ALX4: variants seen among roughly 807,000 people sequenced by gnomAD.
ALX4 encodes ALX homeobox 4, also known as homeobox protein aristaless-like 4.
ALX4 carries 22 observed loss-of-function variants against 40.6 expected under a neutral mutation model. The ratio of observed to expected loss-of-function variants is 0.54; its 90% CI spans 0.39 to 0.77. The LOEUF is 0.77. Ranked by LOEUF, ALX4 falls within the 30% of genes least tolerant of loss-of-function variation. The pLI is 0.00. For synonymous variants in ALX4, 266 were observed against 240.5 expected, an observed-to-expected ratio of 1.11 and a Z score of -0.98; for missense variants, 556 against 564.8, an observed-to-expected ratio of 0.98 and a Z score of 0.16.
intron 1 of ALX4, among the ~76,000 whole-genome samples, chr11:44,301,796 A>G (rs1217552328): frequency 6.6e-6 from 1 of 152,160 alleles, no homozygotes; most frequent in Non-Finnish European, 1.5e-5. Flanking sequence ...CTTGGGCCTC[A>G]GTTTGCTCAT....
chr11:44,301,081 C>T (rs1655033908), intron 1 of ALX4, among the ~76,000 whole-genome samples: 1 of 152,258 alleles, frequency 6.6e-6, no homozygotes, highest in Non-Finnish European at 1.5e-5. Flanking sequence ...GGGCTGCATC[C>T]AGAGCTTCCC....
intron 1 of ALX4, among the ~76,000 whole-genome samples, chr11:44,300,931 GGC>G (rs2119887339): frequency 6.6e-6 from 1 of 152,340 alleles, no homozygotes; most frequent in Admixed American, 6.5e-5. Context: ...AAACCCTGGT[GGC>G]GCCTGCACGC....
intron 1 of ALX4, among the ~76,000 whole-genome samples, chr11:44,299,318 G>A (rs890816588): frequency 2.6e-5 from 4 of 151,304 alleles, no homozygotes; most frequent in South Asian, 2.1e-4. Flanking sequence ...CTGCATCCCC[G>A]GTTGTGAAGC....
At chr11:44,307,266 C>T (rs996391404) in intron 1 of ALX4, among the ~76,000 whole-genome samples, 7 of 152,226 alleles carry the variant, frequency 4.6e-5, no homozygotes, top group African/African-American at 7.2e-5. Context: ...GTTATCACCC[C>T]AGGATGCAGA....
At chr11:44,279,871 C>T (rs1956298849) in intron 1 of ALX4, among the ~76,000 whole-genome samples, 1 of 151,916 alleles carries the variant, frequency 6.6e-6, no homozygotes, top group Admixed American at 6.5e-5. Context: ...CAGCCTGAGG[C>T]TCAGCACAGG....
At chr11:44,295,543 G>A (rs1326098326) in intron 1 of ALX4, among the ~76,000 whole-genome samples, 1 of 152,268 alleles carries the variant, frequency 6.6e-6, no homozygotes, top group Non-Finnish European at 1.5e-5. Flanking sequence ...GCTCCCCTTG[G>A]ACTCTGCTGT....
At chr11:44,271,452 C>T (rs1956246915) in intron 2 of ALX4, among the ~76,000 whole-genome samples, 2 of 152,158 alleles carry the variant, frequency 1.3e-5, no homozygotes, top group South Asian at 2.1e-4. Flanking sequence ...CCAGCACTAC[C>T]GTTCTATAGT....
intron 1 of ALX4, among the ~76,000 whole-genome samples, chr11:44,289,952 G>T (rs58201422): frequency 0.066 from 10,065 of 152,186 alleles, 517 homozygotes; most frequent in African/African-American, 0.14. Context: ...CCAGCAATAC[G>T]TCCGCAGGGT....
At chr11:44,274,958 G>A (rs1300957732) in intron 2 of ALX4, among the ~76,000 whole-genome samples, 1 of 152,176 alleles carries the variant, frequency 6.6e-6, no homozygotes, top group African/African-American at 2.4e-5. Flanking sequence ...TTGTCTTCAT[G>A]TTTGTCCTGT....
intron 1 of ALX4, among the ~76,000 whole-genome samples, chr11:44,307,963 T>A (rs1351378442): frequency 6.6e-6 from 1 of 151,976 alleles, no homozygotes; most frequent in Middle Eastern, 3.2e-3. Flanking sequence ...TGTGCCTGCA[T>A]GTGGAGCTGT....
At chr11:44,274,000 C>G (rs1956263494) in intron 2 of ALX4, among the ~76,000 whole-genome samples, 1 of 151,992 alleles carries the variant, frequency 6.6e-6, no homozygotes, top group Non-Finnish European at 1.5e-5. Context: ...TGGGCCCAGG[C>G]ATGGTGGCTC....
intron 1 of ALX4, among the ~76,000 whole-genome samples, chr11:44,291,608 G>C (rs1017158135): frequency 6.6e-6 from 1 of 151,986 alleles, no homozygotes; most frequent in Non-Finnish European, 1.5e-5. Flanking sequence ...TTTCACTCTT[G>C]TTGTCCCGGC....
intron 1 of ALX4, among the ~76,000 whole-genome samples, chr11:44,296,181 A>G (rs1221050220): frequency 6.6e-6 from 1 of 152,230 alleles, no homozygotes; most frequent in Non-Finnish European, 1.5e-5. Context: ...TTGATTTTCA[A>G]CAAAGGTCCC....
At chr11:44,303,012 G>C (rs1216018642) in intron 1 of ALX4, among the ~76,000 whole-genome samples, 1 of 147,620 alleles carries the variant, frequency 6.8e-6, no homozygotes, top group Non-Finnish European at 1.5e-5. Flanking sequence ...GAGGAGTAGA[G>C]AATGCAAAGG....
chr11:44,294,913 G>A (rs1357597204), intron 1 of ALX4, among the ~76,000 whole-genome samples: 1 of 151,586 alleles, frequency 6.6e-6, no homozygotes, highest in East Asian at 1.9e-4. Flanking sequence ...GCAATGGTGT[G>A]GTCTCGGCTC....
Position 44,275,625 on chromosome 11 carries a change from G to T in ALX4, c.500C>A (p.Pro167His). The change falls in exon 2 of 4, where the codon CCC (proline) becomes CAC (histidine). Residue 167 changes from proline to histidine, a missense_variant. By Grantham distance (77) the Pro-to-His change is moderately conservative. Coordinates refer to ENST00000652299, the MANE Select transcript of ALX4 (RefSeq NM_021926.4). Reference sequence around the variant, plus strand: ...CATCCCCACAGTGTCAGAGTCAGGGGGTAACTCTGGCTCACCCAGGGAGCT... The same window carrying T: ...CATCCCCACAGTGTCAGAGTCAGGGTGTAACTCTGGCTCACCCAGGGAGCT... ...KESSLGEPEL[P>H]PDSDTVGMDS... 6.2e-7 allele frequency: 1 copy of T among 1,613,484 alleles called. No homozygotes were observed. The highest frequency in any genetic ancestry group is 2.2e-5 in the East Asian group (1 of 44,834).
intron 1 of ALX4, among the ~76,000 whole-genome samples, chr11:44,281,124 T>C (rs575145111): frequency 6.6e-6 from 1 of 152,276 alleles, no homozygotes; most frequent in East Asian, 1.9e-4. Flanking sequence ...TTCTTTCTTT[T>C]TTTTTTTGGC....
chr11:44,275,709 G>C (rs1264262000), intron 1 of ALX4, 51 bp from the exon 2 acceptor site: 1 of 1,571,526 alleles, frequency 6.4e-7, no homozygotes. Context: ...CCAAACAAGA[G>C]AAGGGGAATG....
In ALX4 at chr11:44,275,353, C is replaced by A. The variant is rs747909089; in HGVS notation, c.772G>T (p.Val258Leu). 1.9e-6 allele frequency: 3 copies of A among 1,614,194 alleles called. No individual in the cohort carries two copies. The highest frequency in any genetic ancestry group is 2.5e-6 in the Non-Finnish European group (3 of 1,180,040). The change falls in exon 2 of 4, where the codon GTG becomes TTG. Residue 258 changes from valine (V) to leucine (L), a missense_variant. Coordinates refer to ENST00000652299, the MANE Select transcript of ALX4 (RefSeq NM_021926.4). ...AMRTDLTEARVQVWFQNRRAK... is the reference protein window; with the variant it reads ...AMRTDLTEARLQVWFQNRRAK... ...CCCAGGTGGCCCTCACTGACCTGCA[C>A]GCGGGCCTCAGTGAGGTCTGTCCTC...
Sources: allele counts gnomAD v4.1 joint callset (sites outside exome capture counted in the v4.1 genomes callset), GRCh38; gene constraint gnomAD v4.1.1; transcripts MANE v1.5; gene names NCBI Gene and HGNC (gene_info 2026-07-23, HGNC 2026-07-21).